LPP: variants seen among roughly 807,000 people sequenced by gnomAD.
LPP encodes the protein LIM domain containing preferred translocation partner in lipoma, also known as lipoma-preferred partner.
Under a neutral mutation model 60.4 loss-of-function variants are expected in LPP, and 38 were observed. The ratio of observed to expected loss-of-function variants is 0.63; its 90% CI spans 0.49 to 0.83. The LOEUF is 0.83. Ranked by LOEUF, LPP falls within the 40% of genes least tolerant of loss-of-function variation. The pLI is 0.00. For synonymous variants in LPP, 328 were observed against 290.8 expected (o/e 1.13, Z -1.30); for missense variants, 902 against 783.6 (o/e 1.15, Z -1.80).
chr3:188,630,140 G>A (rs1847592923), intron 7 of LPP, among the ~76,000 whole-genome samples: 1 of 147,388 alleles, frequency 6.8e-6, no homozygotes, highest in African/African-American at 2.5e-5. Context: ...TAATTAAAGA[G>A]CTTCTGCAGC....
chr3:188,455,481 G>A (rs1270292116), intron 4 of LPP, among the ~76,000 whole-genome samples: 1 of 152,166 alleles, frequency 6.6e-6, no homozygotes, highest in African/African-American at 2.4e-5. Flanking sequence ...AAGAAGTGTA[G>A]TCATATCCTT....
At chr3:188,429,993 CTTCCTTTAT>C (rs1790491170) in intron 4 of LPP, among the ~76,000 whole-genome samples, 2 of 152,278 alleles carry the variant, frequency 1.3e-5, no homozygotes, top group East Asian at 3.9e-4. Flanking sequence ...GAAAGAACTA[CTTCCTTTAT>C]TTTAAATAGA....
chr3:188,343,702 C>T (rs191803527), intron 3 of LPP, among the ~76,000 whole-genome samples: 407 of 152,276 alleles, frequency 2.7e-3, no homozygotes, highest in African/African-American at 9.6e-3. Flanking sequence ...GGAATTTTCT[C>T]TCTTTCTCTT....
At chr3:188,719,673 T>C (rs767005422) in intron 8 of LPP, among the ~76,000 whole-genome samples, 15 of 152,124 alleles carry the variant, frequency 9.9e-5, no homozygotes, top group Non-Finnish European at 2.1e-4. Flanking sequence ...TAATTATGCA[T>C]CTTCTGGTAT....
chr3:188,622,477 A>G (rs1845981411), intron 7 of LPP, among the ~76,000 whole-genome samples: 1 of 152,144 alleles, frequency 6.6e-6, no homozygotes, highest in Non-Finnish European at 1.5e-5. Context: ...CCAAGCATAT[A>G]TTAGTTTCAT....
At chr3:188,261,537 T>C (rs1439806526) in intron 2 of LPP, among the ~76,000 whole-genome samples, 1 of 152,204 alleles carries the variant, frequency 6.6e-6, no homozygotes, top group Non-Finnish European at 1.5e-5. Context: ...AGATTTTCGC[T>C]CAGACTCAAA....
chr3:188,677,410 T>C (rs143529058), intron 7 of LPP, among the ~76,000 whole-genome samples: 1 of 152,342 alleles, frequency 6.6e-6, no homozygotes, highest in East Asian at 1.9e-4. Context: ...TATCTGTGGC[T>C]TTGTGAAATT....
intron 3 of LPP, among the ~76,000 whole-genome samples, chr3:188,343,085 G>A (rs1229194349): frequency 3.3e-5 from 5 of 152,026 alleles, no homozygotes; most frequent in Admixed American, 3.3e-4. Context: ...AGGTATACAT[G>A]TGCCATGGTG....
At chr3:188,157,315 A>G (rs1691412738) in intron 1 of LPP, among the ~76,000 whole-genome samples, 1 of 152,136 alleles carries the variant, frequency 6.6e-6, no homozygotes, top group Admixed American at 6.5e-5. Context: ...GTTCAAAATT[A>G]CAACCCAGAA....
chr3:188,502,036 C>T (rs1004105273), intron 5 of LPP, among the ~76,000 whole-genome samples: 1 of 152,088 alleles, frequency 6.6e-6, no homozygotes, highest in African/African-American at 2.4e-5. Flanking sequence ...CTTTGTATGA[C>T]ATCTACTTTT....
chr3:188,494,830 C>G (rs1019264456), intron 5 of LPP, among the ~76,000 whole-genome samples: 2 of 151,804 alleles, frequency 1.3e-5, no homozygotes, highest in African/African-American at 4.8e-5. Flanking sequence ...CTTAAATCCT[C>G]TGTAAAATGG....
At chr3:188,539,792 C>G (rs1824652092) in intron 6 of LPP, among the ~76,000 whole-genome samples, 1 of 152,048 alleles carries the variant, frequency 6.6e-6, no homozygotes, top group South Asian at 2.1e-4. Context: ...TGAATCTTGG[C>G]AGTAATTCTG....
At chr3:188,862,203 CTG>C (rs1428587975) in intron 9 of LPP, among the ~76,000 whole-genome samples, 2 of 152,176 alleles carry the variant, frequency 1.3e-5, no homozygotes, top group East Asian at 1.9e-4. Flanking sequence ...TGATAACTAA[CTG>C]TGTGCAAATC....
chr3:188,334,692 G>A (rs1314996319), intron 2 of LPP, among the ~76,000 whole-genome samples: 2 of 152,158 alleles, frequency 1.3e-5, no homozygotes, highest in Non-Finnish European at 2.9e-5. Flanking sequence ...GCCTCCCAAA[G>A]TGCTGGGATT....
intron 7 of LPP, among the ~76,000 whole-genome samples, chr3:188,699,438 G>A (rs2378424): frequency 8.3e-5 from 7 of 84,288 alleles, no homozygotes; most frequent in African/African-American, 2.0e-4. Context: ...TCCAAATTTG[G>A]TTTAAGAAAA....
intron 4 of LPP, among the ~76,000 whole-genome samples, chr3:188,451,699 G>A (rs983259792): frequency 6.6e-5 from 10 of 152,152 alleles, no homozygotes; most frequent in African/African-American, 2.4e-4. Flanking sequence ...ATCTGTGTGT[G>A]CTTACTTGAT....
intron 6 of LPP, among the ~76,000 whole-genome samples, chr3:188,542,038 G>C (rs1044217263): frequency 4.6e-5 from 7 of 152,074 alleles, no homozygotes; most frequent in Non-Finnish European, 7.4e-5. Flanking sequence ...TTTATTTTTT[G>C]TGGTGAGAAA....
At chr3:188,457,729 A>ACT (rs1420985606) in intron 4 of LPP, among the ~76,000 whole-genome samples, 7 of 92,374 alleles carry the variant, frequency 7.6e-5, no homozygotes, top group Admixed American at 6.8e-4. Flanking sequence ...TGTCTCTACT[A>ACT]AAAAAAAAAA....
At chr3:188,859,079 A>C (rs1190238334) in intron 9 of LPP, among the ~76,000 whole-genome samples, 1 of 122,382 alleles carries the variant, frequency 8.2e-6, no homozygotes, top group Non-Finnish European at 1.6e-5. Flanking sequence ...ACAGAGTGAG[A>C]CTCTGTCTTT....
Sources: allele counts gnomAD v4.1 joint callset (sites outside exome capture counted in the v4.1 genomes callset), GRCh38; gene constraint gnomAD v4.1.1; transcripts MANE v1.5; gene names NCBI Gene and HGNC (gene_info 2026-07-23, HGNC 2026-07-21).